SVIL: variants seen among roughly 807,000 people sequenced by gnomAD.
SVIL encodes the protein supervillin.
In SVIL, 101 loss-of-function variants were observed where a neutral mutation model predicts 240.4. The ratio of observed to expected loss-of-function variants is 0.42; its 90% CI spans 0.36 to 0.50. The LOEUF (loss-of-function observed/expected upper bound fraction) is 0.50, where lower values mean the gene tolerates loss of function less well. Among genes scored for constraint, SVIL ranks in the 20% least tolerant of loss-of-function variants. SVIL has a pLI of 0.01. For missense variants in SVIL, 2,512 were observed against 2,818.7 expected, an observed-to-expected ratio of 0.89 and a Z score of 2.46; for synonymous variants, 999 against 1,100.0, an observed-to-expected ratio of 0.91 and a Z score of 1.82.
rs1364590053 is a variant in SVIL, at chr10:29,484,688, C to T, written c.4923G>A (p.Leu1641=). The change falls in exon 27 of 38, where the codon CTG becomes CTA. Residue 1641 remains leucine (L), a synonymous_variant. Transcript: ENST00000355867. This position sits in a 1 kb window ranked among gnomAD's most constrained non-coding sequence, Gnocchi z 4.7. ...FDYENCDINP[L]DPGECNPLIP... Reference sequence around the variant, plus strand: ...TAAGCGGATTGCATTCTCCAGGATCCAGGGGATTGATGTCACAGTTCTCAT... The same window carrying T: ...TAAGCGGATTGCATTCTCCAGGATCTAGGGGATTGATGTCACAGTTCTCAT... The T allele has an allele frequency of 1.2e-6, 2 of 1,613,796 alleles. No individual in the cohort carries two copies. Among genetic ancestry groups the T allele is most frequent in the Admixed American group, 3.3e-5 (2 of 59,930 alleles).
chr10:29,507,652 A>T, intron 17 of SVIL: 1 of 613,212 alleles, frequency 1.6e-6, no homozygotes, highest in Non-Finnish European at 2.0e-6. Context: ...GCACCAAATA[A>T]GTTATTTCCC....
chr10:29,459,846 T>G (rs1944027885), intron 36 of SVIL, among the ~76,000 whole-genome samples: 1 of 152,106 alleles, frequency 6.6e-6, no homozygotes, highest in African/African-American at 2.4e-5. Context: ...ATCTCAACAC[T>G]GTAGGAGGCT....
chr10:29,730,271 G>A (rs1964543930), intron 1 of SVIL, among the ~76,000 whole-genome samples: 3 of 152,246 alleles, frequency 2.0e-5, no homozygotes, highest in Non-Finnish European at 2.9e-5. Context: ...CCCAGTGAAA[G>A]TCCTGGGTGA....
At chr10:29,696,981 T>C (rs1359178048) in intron 1 of SVIL, among the ~76,000 whole-genome samples, 146 of 98,332 alleles carry the variant, frequency 1.5e-3, no homozygotes, top group South Asian at 2.1e-3. Flanking sequence ...GGTCAGCCCC[T>C]CGCCCAGCCA....
intron 1 of SVIL, among the ~76,000 whole-genome samples, chr10:29,708,395 C>T (rs1162849776): frequency 1.3e-5 from 2 of 151,434 alleles, no homozygotes. Context: ...CCGAGGTGGG[C>T]GGATCACCTG....
chr10:29,471,069 C>T lies in SVIL; in HGVS notation c.5635+69G>A, dbSNP rs142527418. Reference sequence around the variant, plus strand: ...ATGAAGACAGACTCACTTTCAGCCCCCAGCTTATAAAAATTCTTTCCAAGA... The same window carrying T: ...ATGAAGACAGACTCACTTTCAGCCCTCAGCTTATAAAAATTCTTTCCAAGA... On this transcript the variant is annotated intron_variant, in intron 31 of 37. Transcript: ENST00000355867. 4.3e-6 allele frequency: 6 copies of T among 1,403,828 alleles called. No individual in the cohort carries two copies. The East Asian group carries it at 7.4e-5, about 17-fold the overall frequency. The allele number at this position is 1,403,828 out of a possible 1,614,324, so 87.0% of individuals were successfully genotyped here. A position where few individuals can be genotyped will look rare whatever the true frequency, so the allele number is the denominator to read the frequency against.
At chr10:29,479,486 C>T (rs964254611) in intron 29 of SVIL, among the ~76,000 whole-genome samples, 3 of 152,186 alleles carry the variant, frequency 2.0e-5, no homozygotes, top group African/African-American at 7.2e-5. Context: ...GGGCCACAGC[C>T]CGGCTCTGCA....
intron 1 of SVIL, among the ~76,000 whole-genome samples, chr10:29,625,495 ACTCTGTTGCCCAGGCTGG>A (rs1957827068): frequency 6.6e-6 from 1 of 151,904 alleles, no homozygotes; most frequent in South Asian, 2.1e-4. Flanking sequence ...ACGGAGTCTC[ACTCTGTTGCCCAGGCTGG>A]AGTGCAGCGG....
intron 3 of SVIL, among the ~76,000 whole-genome samples, chr10:29,655,996 G>T (rs563485064): frequency 6.7e-6 from 1 of 150,210 alleles, no homozygotes; most frequent in East Asian, 2.0e-4. Flanking sequence ...TCAGCCTCCC[G>T]AGTAGCTGGG....
At chr10:29,712,373 C>G (rs1053762477) in intron 1 of SVIL, among the ~76,000 whole-genome samples, 43 of 152,232 alleles carry the variant, frequency 2.8e-4, no homozygotes, top group African/African-American at 9.9e-4. Flanking sequence ...CCCAGGAGAG[C>G]TGGTTGTTAG....
chr10:29,683,679 A>G (rs1417425882), intron 2 of SVIL, among the ~76,000 whole-genome samples: 4 of 152,312 alleles, frequency 2.6e-5, no homozygotes, highest in Middle Eastern at 3.4e-3. Context: ...CTTGCTTTGC[A>G]CATACTTTGA....
intron 1 of SVIL, among the ~76,000 whole-genome samples, chr10:29,718,883 G>A (rs1381158822): frequency 6.6e-6 from 1 of 152,172 alleles, no homozygotes; most frequent in Non-Finnish European, 1.5e-5. Context: ...GCCGAGGTGG[G>A]CAGTTTACCT....
intron 1 of SVIL, among the ~76,000 whole-genome samples, chr10:29,588,465 T>C (rs74129734): frequency 0.023 from 3,460 of 152,220 alleles, 131 homozygotes; most frequent in African/African-American, 0.079. Context: ...ATTCTCTGCT[T>C]CTCTGGGAAA....
intron 16 of SVIL, among the ~76,000 whole-genome samples, chr10:29,515,948 G>A (rs572998396): frequency 6.6e-6 from 1 of 152,248 alleles, no homozygotes; most frequent in Non-Finnish European, 1.5e-5. Flanking sequence ...ACTGGGAATT[G>A]TTATTCCCAT....
At chr10:29,522,192 T>C (rs1245074266) in intron 16 of SVIL, among the ~76,000 whole-genome samples, 1 of 152,192 alleles carries the variant, frequency 6.6e-6, no homozygotes, top group Non-Finnish European at 1.5e-5. Flanking sequence ...GAACCAGCCC[T>C]GTCCAAACCA....
intron 2 of SVIL, among the ~76,000 whole-genome samples, chr10:29,669,692 G>T (rs1329613929): frequency 6.6e-6 from 1 of 152,184 alleles, no homozygotes; most frequent in Non-Finnish European, 1.5e-5. Flanking sequence ...AGACTGGGCC[G>T]CTGAGTGAAC....
At chr10:29,553,880 T>G (rs1219024276) in intron 5 of SVIL, among the ~76,000 whole-genome samples, 1 of 152,192 alleles carries the variant, frequency 6.6e-6, no homozygotes, top group Non-Finnish European at 1.5e-5. Flanking sequence ...GGTGCAGCTT[T>G]GACTCTAGCG....
chr10:29,646,667 T>C (rs1564733016), intron 3 of SVIL, among the ~76,000 whole-genome samples: 1 of 152,144 alleles, frequency 6.6e-6, no homozygotes, highest in Non-Finnish European at 1.5e-5. Flanking sequence ...TCTAATCTTG[T>C]AGAGGAAGAA....
intron 13 of SVIL, among the ~76,000 whole-genome samples, chr10:29,526,543 T>C (rs551688672): frequency 6.6e-6 from 1 of 152,282 alleles, no homozygotes; most frequent in South Asian, 2.1e-4. Context: ...GACCTCGTGA[T>C]CCACCTGCCT....
Sources: gnomAD v4.1 joint callset for allele counts (sites outside exome capture counted in the v4.1 genomes callset) on GRCh38, gnomAD v4.1.1 for gene constraint, Gnocchi (gnomAD v3.1) non-coding constraint, MANE v1.5 for transcripts, NCBI Gene and HGNC (gene_info 2026-07-23, HGNC 2026-07-21) for gene names.